ZNF678: variants seen among roughly 807,000 people sequenced by gnomAD.
The protein encoded by ZNF678 is hypothetical protein MGC42493.
Under a neutral mutation model 3.0 loss-of-function variants are expected in ZNF678, and 5 were observed. That is an observed-to-expected ratio of 1.69 (90% CI 0.88 to 3.56). The LOEUF (loss-of-function observed/expected upper bound fraction) is 3.56. Ranked by LOEUF, ZNF678 falls within the 30% of genes most tolerant of loss-of-function variation. The pLI is 0.00. For synonymous variants in ZNF678, 218 were observed against 199.6 expected (o/e 1.09, Z -0.78); for missense variants, 593 against 605.0 (o/e 0.98, Z 0.21).
intron 5 of ZNF678, among the ~76,000 whole-genome samples, chr1:227,669,460 C>G (rs1659562601): frequency 6.7e-6 from 1 of 149,940 alleles, no homozygotes; most frequent in African/African-American, 2.5e-5. Context: ...CACGGTGAAA[C>G]CCCGTCTCTA....
intron 1 of ZNF678, among the ~76,000 whole-genome samples, chr1:227,642,610 C>A (rs530532712): frequency 6.6e-6 from 1 of 152,144 alleles, no homozygotes; most frequent in Admixed American, 6.5e-5. Context: ...ACTTTCCTGG[C>A]CTCATAGGAA....
rs1408276651 is a variant in ZNF678, at chr1:227,662,277, T to G, written c.*6449T>G. 6.6e-6 allele frequency: 1 copy of G among 152,218 alleles called. No individual in the cohort carries two copies. The highest frequency in any genetic ancestry group is 1.5e-5 in the Non-Finnish European group (1 of 68,038). 9.4% of individuals were successfully genotyped at this position (152,218 alleles called of 1,614,324 possible). ...AGGCTTTTGCACATCCAATGTCTCC[T>G]TAAAGCATGTGGTTCAGAATTGAGA... On this transcript the variant is annotated 3_prime_UTR_variant, in exon 4 of 4. Transcript: ENST00000343776.
At chr1:227,635,348 A>G (rs1264154881) in intron 1 of ZNF678, among the ~76,000 whole-genome samples, 1 of 152,224 alleles carries the variant, frequency 6.6e-6, no homozygotes, top group East Asian at 1.9e-4. Flanking sequence ...TTTTGGAGAG[A>G]AGAGCCTACC....
At position 227,639,065 on chromosome 1, in the gene ZNF678, C is replaced by T. The variant is rs534110664; in HGVS notation, c.-163-7479C>T. Among the ~76,000 whole-genome samples, 6 of 152,252 alleles carry T rather than the reference C, an allele frequency of 3.9e-5. No individual in the cohort carries two copies. In the South Asian group the frequency reaches 1.2e-3, roughly 32 times the overall value. ...ATGAGATCCAAGTATGAGGTTTTGG[C>T]CTGCTCGGGAAGGGATGGGGGCGGT... On this transcript the variant is annotated intron_variant, in intron 1 of 3. Transcript: ENST00000343776.
intron 1 of ZNF678, among the ~76,000 whole-genome samples, chr1:227,618,948 G>C (rs1174549542): frequency 1.2e-4 from 19 of 152,168 alleles, no homozygotes; most frequent in Admixed American, 1.2e-3. Context: ...TACAATCATG[G>C]CAAGGGGCAA....
At chr1:227,625,378 T>G (rs1658384954) in intron 1 of ZNF678, among the ~76,000 whole-genome samples, 1 of 152,174 alleles carries the variant, frequency 6.6e-6, no homozygotes, top group South Asian at 2.1e-4. Context: ...GGTTGTGCAG[T>G]TGAGATTTCC....
At chr1:227,639,311 TG>T (rs1487774305) in intron 1 of ZNF678, among the ~76,000 whole-genome samples, 1 of 152,236 alleles carries the variant, frequency 6.6e-6, no homozygotes, top group African/African-American at 2.4e-5. Flanking sequence ...GGGCCCCTGA[TG>T]GCAGAGGCAA....
intron 1 of ZNF678, among the ~76,000 whole-genome samples, chr1:227,594,240 T>C (rs866040890): frequency 1.3e-5 from 2 of 152,342 alleles, no homozygotes; most frequent in Middle Eastern, 3.4e-3. Flanking sequence ...TAACAATGCT[T>C]TTTGTATGAT....
At chr1:227,589,016 A>C (rs933448708) in intron 1 of ZNF678, among the ~76,000 whole-genome samples, 5 of 151,716 alleles carry the variant, frequency 3.3e-5, no homozygotes, top group Non-Finnish European at 7.4e-5. Context: ...ATTTGTTTAC[A>C]TTCCTTGTAG....
intron 1 of ZNF678, among the ~76,000 whole-genome samples, chr1:227,624,893 T>G (rs1658370424): frequency 6.6e-6 from 1 of 152,140 alleles, no homozygotes; most frequent in Non-Finnish European, 1.5e-5. Context: ...TCAGCAGTGG[T>G]GGACGGCAAG....
chr1:227,609,616 A>C, intron 1 of ZNF678, among the ~76,000 whole-genome samples: 1 of 152,232 alleles, frequency 6.6e-6, no homozygotes, highest in Admixed American at 6.5e-5. Context: ...AACTACATTA[A>C]AATTTACTTG....
chr1:227,644,211 A>G (rs1471496577), intron 1 of ZNF678, among the ~76,000 whole-genome samples: 1 of 152,172 alleles, frequency 6.6e-6, no homozygotes, highest in Non-Finnish European at 1.5e-5. Context: ...GGAAAAAGAA[A>G]TAGAAAGGAT....
chr1:227,599,253 C>T (rs540826421), intron 1 of ZNF678, among the ~76,000 whole-genome samples: 7 of 152,202 alleles, frequency 4.6e-5, no homozygotes, highest in South Asian at 4.1e-4. Flanking sequence ...ATTCTAATTC[C>T]GTTGGTATCA....
intron 5 of ZNF678, among the ~76,000 whole-genome samples, chr1:227,672,099 C>T (rs1288096789): frequency 6.6e-6 from 1 of 152,014 alleles, no homozygotes; most frequent in Non-Finnish European, 1.5e-5. Flanking sequence ...GTTTGCCTGA[C>T]ATTGGAAAGG....
chr1:227,586,533 A>C (rs1657267830), intron 1 of ZNF678, among the ~76,000 whole-genome samples: 1 of 152,268 alleles, frequency 6.6e-6, no homozygotes, highest in African/African-American at 2.4e-5. Context: ...TTAACGGAGC[A>C]CTTGAGCAAG....
At position 227,654,465 on chromosome 1, in the gene ZNF678, C is replaced by G; in HGVS notation, c.215C>G (p.Thr72Ser). 4 of 1,613,190 alleles carry G rather than the reference C, an allele frequency of 2.5e-6. No homozygotes were observed. The highest frequency in any genetic ancestry group is 2.5e-6 in the Non-Finnish European group (3 of 1,179,448). ...DNLHLVKDWR[T>S]VNEGKGQKEY... is the part of the protein sequence containing the mutation. ...TTGCACTTAGTGAAAGACTGGAGAA[C>G]TGTGAATGAAGGTAAGGGGCAGAAA... Residue 72 changes from threonine (T) to serine (S), a missense_variant, in exon 4 of 4, where the codon ACT becomes AGT. Coordinates refer to ENST00000343776, the MANE Select transcript of ZNF678 (RefSeq NM_001367909.1).
chr1:227,607,279 G>GA (rs990083592), intron 1 of ZNF678, among the ~76,000 whole-genome samples: 5 of 152,230 alleles, frequency 3.3e-5, no homozygotes, highest in African/African-American at 9.6e-5. Context: ...AAAATAATGT[G>GA]AAAAAATGAG....
intron 1 of ZNF678, among the ~76,000 whole-genome samples, chr1:227,626,284 G>C (rs1301252156): frequency 6.6e-6 from 1 of 152,180 alleles, no homozygotes. Context: ...TGGATTTTCT[G>C]GTTCCTTTGG....
chr1:227,646,194 C>T lies in ZNF678; in HGVS notation c.-163-350C>T, dbSNP rs201252600. The stretch of plus-strand genomic sequence containing the variant: ...CAGATTTCCAATTTCTTGTTGTATG[C>T]GTTAAAATCTGAGAGGCACTTCAGA... On this transcript the variant is annotated intron_variant, in intron 1 of 3. Coordinates refer to ENST00000343776, the MANE Select transcript of ZNF678 (RefSeq NM_001367909.1). Among the ~76,000 whole-genome samples, 3 of 152,270 alleles carry T rather than the reference C, an allele frequency of 2.0e-5. No homozygotes were observed. In the East Asian group the frequency reaches 5.8e-4, roughly 29 times the overall value.
Sources: gnomAD v4.1 joint callset for allele counts (sites outside exome capture counted in the v4.1 genomes callset) on GRCh38, gnomAD v4.1.1 for gene constraint, MANE v1.5 for transcripts, NCBI Gene and HGNC (gene_info 2026-07-23, HGNC 2026-07-21) for gene names.